The following AGMO variants were observed in gnomAD, a reference collection of about 807,000 sequenced individuals.
The protein encoded by AGMO is alkylglycerol monooxygenase, also known as glyceryl-ether monooxygenase.
AGMO carries 75 observed loss-of-function variants against 60.2 expected under a neutral mutation model. That is an observed-to-expected ratio of 1.25 (90% confidence interval 1.03 to 1.51). The LOEUF is 1.51. Ranked by LOEUF, AGMO falls within the 40% of genes most tolerant of loss-of-function variation. The probability of loss-of-function intolerance (pLI) is 0.00; values close to 1 mark genes in which losing one functional copy is unlikely to be tolerated. For synonymous variants in AGMO, 261 were observed against 177.1 expected (o/e 1.47, Z -3.76); for missense variants, 763 against 525.5 (o/e 1.45, Z -4.42).
the AGMO span, among the ~76,000 whole-genome samples, chr7:15,170,522 A>G: frequency 6.6e-6 from 1 of 152,106 alleles, no homozygotes; most frequent in Non-Finnish European, 1.5e-5. Flanking sequence ...ATCTATATGC[A>G]CTTTCCACTA....
At chr7:15,485,950 G>T (rs1265395422) in intron 3 of AGMO, among the ~76,000 whole-genome samples, 2 of 152,034 alleles carry the variant, frequency 1.3e-5, no homozygotes. Context: ...TTCAAGTGAA[G>T]TTCAATTATA....
intron 4 of AGMO, among the ~76,000 whole-genome samples, chr7:15,429,803 C>G (rs1562502588): frequency 6.6e-6 from 1 of 152,124 alleles, no homozygotes; most frequent in African/African-American, 2.4e-5. Flanking sequence ...GTTTCAAGTA[C>G]TTGGCTTTAT....
intron 3 of AGMO, among the ~76,000 whole-genome samples, chr7:15,502,808 C>T (rs1783421017): frequency 6.6e-6 from 1 of 151,922 alleles, no homozygotes; most frequent in Non-Finnish European, 1.5e-5. Context: ...CACTAATGGG[C>T]TAGAGAGTTA....
chr7:15,163,450 T>A, the AGMO span, among the ~76,000 whole-genome samples: 1 of 152,182 alleles, frequency 6.6e-6, no homozygotes, highest in Non-Finnish European at 1.5e-5. Flanking sequence ...TGATGTTGAC[T>A]GTTGGTTTGT....
At chr7:15,553,480 A>G (rs886324611) in intron 2 of AGMO, among the ~76,000 whole-genome samples, 18 of 152,206 alleles carry the variant, frequency 1.2e-4, no homozygotes, top group African/African-American at 4.8e-5. Flanking sequence ...CAGTCATTCA[A>G]TGAATTCATA....
At chr7:15,291,522 G>A (rs1784263939) in intron 12 of AGMO, among the ~76,000 whole-genome samples, 2 of 152,084 alleles carry the variant, frequency 1.3e-5, no homozygotes, top group Non-Finnish European at 2.9e-5. Flanking sequence ...TAAGGAGAAA[G>A]AAACTCTTTA....
chr7:15,400,395 G>A (rs1201210998), intron 5 of AGMO, among the ~76,000 whole-genome samples: 1 of 152,110 alleles, frequency 6.6e-6, no homozygotes, highest in African/African-American at 2.4e-5. Context: ...CAATAAATAG[G>A]ACAAGCCCCA....
intron 12 of AGMO, among the ~76,000 whole-genome samples, chr7:15,283,492 C>A (rs1784023645): frequency 6.6e-6 from 1 of 151,808 alleles, no homozygotes; most frequent in African/African-American, 2.4e-5. Flanking sequence ...AAGACAAGGT[C>A]ATTATATAAT....
the AGMO span, among the ~76,000 whole-genome samples, chr7:15,125,825 T>C: frequency 6.6e-6 from 1 of 152,142 alleles, no homozygotes; most frequent in African/African-American, 2.4e-5. Flanking sequence ...CTGTCATCTA[T>C]ATGAGTTTAG....
At chr7:15,496,028 G>A (rs962063219) in intron 3 of AGMO, among the ~76,000 whole-genome samples, 10 of 152,076 alleles carry the variant, frequency 6.6e-5, no homozygotes, top group East Asian at 1.9e-4. Flanking sequence ...TGAATTTTGG[G>A]AGACACAAAT....
chr7:15,234,749 A>C (rs1258080347), intron 12 of AGMO, among the ~76,000 whole-genome samples: 2 of 152,160 alleles, frequency 1.3e-5, no homozygotes, highest in African/African-American at 2.4e-5. Context: ...GCTATGTTTC[A>C]ATAAAATTTT....
At chr7:15,333,786 G>A (rs1781570758) in intron 12 of AGMO, among the ~76,000 whole-genome samples, 1 of 151,938 alleles carries the variant, frequency 6.6e-6, no homozygotes, top group South Asian at 2.1e-4. Context: ...CAACATGACT[G>A]CAATAAATAT....
chr7:15,445,897 T>C (rs1781686543), intron 3 of AGMO, among the ~76,000 whole-genome samples: 1 of 152,130 alleles, frequency 6.6e-6, no homozygotes, highest in Non-Finnish European at 1.5e-5. Context: ...GTGGTCCTAC[T>C]GTAAACTGGA....
intron 12 of AGMO, among the ~76,000 whole-genome samples, chr7:15,336,626 TC>T (rs1432505711): frequency 1.3e-5 from 2 of 152,314 alleles, no homozygotes; most frequent in Non-Finnish European, 2.9e-5. Context: ...TTAATCACAT[TC>T]TTTAGATTGT....
intron 3 of AGMO, among the ~76,000 whole-genome samples, chr7:15,440,249 C>T (rs1781516130): frequency 6.6e-6 from 1 of 152,148 alleles, no homozygotes; most frequent in African/African-American, 2.4e-5. Flanking sequence ...AGCTCACAAA[C>T]ATGCATTTTG....
chr7:15,468,963 G>C (rs184910357), intron 3 of AGMO, among the ~76,000 whole-genome samples: 4 of 152,062 alleles, frequency 2.6e-5, no homozygotes, highest in African/African-American at 9.6e-5. Flanking sequence ...AGTAAATTAA[G>C]AATTCTATTT....
At chr7:15,162,309 T>C in the AGMO span, among the ~76,000 whole-genome samples, 1 of 152,134 alleles carries the variant, frequency 6.6e-6, no homozygotes, top group Non-Finnish European at 1.5e-5. Context: ...CTTTAATAAT[T>C]TGCAAACAGT....
At chr7:15,558,358 G>A (rs2115313471) in intron 2 of AGMO, among the ~76,000 whole-genome samples, 1 of 152,064 alleles carries the variant, frequency 6.6e-6, no homozygotes, top group South Asian at 2.1e-4. Context: ...GCAATTTTCA[G>A]TTATTGGGTG....
chr7:15,461,259 A>G lies in AGMO; in HGVS notation c.410-30151T>C, dbSNP rs188360820. Among the ~76,000 whole-genome samples the G allele has an allele frequency of 4.8e-4, 73 of 152,118 alleles. No homozygotes were observed. The East Asian group carries it at 0.011, about 23-fold the overall frequency. Reference sequence around the variant, plus strand: ...CTAATATTTATTTAGAATTTTATATATAAAGATAATCATAAATATTCCATA... The same window carrying G: ...CTAATATTTATTTAGAATTTTATATGTAAAGATAATCATAAATATTCCATA... On this transcript the variant is annotated intron_variant, in intron 3 of 12. Transcript: ENST00000342526.
Sources: allele counts gnomAD v4.1 joint callset (sites outside exome capture counted in the v4.1 genomes callset), GRCh38; gene constraint gnomAD v4.1.1; transcripts MANE v1.5; gene names NCBI Gene and HGNC (gene_info 2026-07-23, HGNC 2026-07-21).